Variants in DLGAP2 observed in about 807,000 individuals in gnomAD.
DLGAP2 encodes DLG associated protein 2.
In DLGAP2, 26 loss-of-function variants were observed where a neutral mutation model predicts 100.3. That is an observed-to-expected ratio of 0.26 (90% CI 0.19 to 0.36). The LOEUF (loss-of-function observed/expected upper bound fraction) is 0.36. DLGAP2 is among the 10% of genes least tolerant of loss of function. DLGAP2 has a pLI of 1.00. For missense variants in DLGAP2, 1,858 were observed against 1,453.2 expected, an observed-to-expected ratio of 1.28 and a Z score of -4.53; for synonymous variants, 886 against 630.1, an observed-to-expected ratio of 1.41 and a Z score of -6.08.
chr8:831,546 C>T (rs1232954017), intron 1 of DLGAP2, among the ~76,000 whole-genome samples: 3 of 152,158 alleles, frequency 2.0e-5, no homozygotes, highest in Non-Finnish European at 4.4e-5. Flanking sequence ...GACGTGAACT[C>T]ATCCTTTTTA....
chr8:1,047,608 A>G (rs1270604667), intron 2 of DLGAP2, among the ~76,000 whole-genome samples: 1 of 152,160 alleles, frequency 6.6e-6, no homozygotes, highest in Non-Finnish European at 1.5e-5. Flanking sequence ...GCCAAGATCA[A>G]GACACTGGCA....
At position 1,207,473 on chromosome 8, in the gene DLGAP2, C is replaced by T. The variant is rs149370788; in HGVS notation, c.74-51378C>T. Among the ~76,000 whole-genome samples, 751 of 152,162 alleles carry T rather than the reference C, an allele frequency of 4.9e-3. 5 individuals carry two copies. The highest frequency in any genetic ancestry group is 0.017 in the African/African-American group (716 of 41,512). On this transcript the variant is annotated intron_variant, in intron 2 of 14. Transcript: ENST00000637795. ...ATATACCACATTTTCTTTTTTTACT[C>T]ATTAGTTGATAGGCATTTGGGCTGG...
At chr8:1,267,341 G>A (rs1799476360) in intron 3 of DLGAP2, among the ~76,000 whole-genome samples, 1 of 151,276 alleles carries the variant, frequency 6.6e-6, no homozygotes, top group Non-Finnish European at 1.5e-5. Context: ...CCGAGGCGGT[G>A]GATCACTTGA....
At chr8:1,036,607 G>C (rs1365720981) in intron 2 of DLGAP2, among the ~76,000 whole-genome samples, 1 of 152,132 alleles carries the variant, frequency 6.6e-6, no homozygotes, top group Non-Finnish European at 1.5e-5. Flanking sequence ...GGTTATAAGG[G>C]GAGGCCTGGC....
intron 1 of DLGAP2, among the ~76,000 whole-genome samples, chr8:758,621 G>A (rs1820979610): frequency 1.3e-5 from 2 of 152,064 alleles, no homozygotes; most frequent in African/African-American, 2.4e-5. Flanking sequence ...GAGTGCAGTG[G>A]TGCAGTCATG....
rs537408670 is a variant in DLGAP2 at position 1,232,669 on chromosome 8, C to G, written c.74-26182C>G. Among the ~76,000 whole-genome samples the G allele has an allele frequency of 8.7e-4, 133 of 152,318 alleles. 1 individual carries two copies. The highest frequency in any genetic ancestry group is 2.9e-3 in the African/African-American group (122 of 41,562). The stretch of plus-strand genomic sequence containing the variant: ...GGCATTTCATTTCTCCTTGCAAAAT[C>G]TCTGTAAAGTAGGCACCCTCCCTCT... On this transcript the variant is annotated intron_variant, in intron 2 of 14. Coordinates refer to ENST00000637795, the MANE Select transcript of DLGAP2 (RefSeq NM_001346810.2).
chr8:1,116,772 G>A (rs1805130519), intron 2 of DLGAP2, among the ~76,000 whole-genome samples: 1 of 151,972 alleles, frequency 6.6e-6, no homozygotes, highest in Non-Finnish European at 1.5e-5. Context: ...CTGCACTCCA[G>A]CCTAGGTGAC....
intron 3 of DLGAP2, among the ~76,000 whole-genome samples, chr8:1,431,476 A>C (rs746547122): frequency 1.4e-4 from 21 of 152,246 alleles, no homozygotes; most frequent in Non-Finnish European, 2.8e-4. Context: ...AGGACAATGC[A>C]TAGAAACAGC....
chr8:1,455,939 C>T (rs891626967), intron 3 of DLGAP2, among the ~76,000 whole-genome samples: 5 of 152,208 alleles, frequency 3.3e-5, no homozygotes, highest in South Asian at 2.1e-4. Context: ...AGGCTGGATC[C>T]GAGGCCCCCA....
At chr8:1,408,159 A>G (rs572500861) in intron 3 of DLGAP2, among the ~76,000 whole-genome samples, 1 of 152,362 alleles carries the variant, frequency 6.6e-6, no homozygotes, top group Non-Finnish European at 1.5e-5. Context: ...TCTTTCCAGC[A>G]TCTCCAGCTA....
At chr8:767,267 C>T (rs986216499) in intron 1 of DLGAP2, among the ~76,000 whole-genome samples, 1 of 151,598 alleles carries the variant, frequency 6.6e-6, no homozygotes, top group African/African-American at 2.4e-5. Context: ...CCTGGTGAGC[C>T]ACAGTTGTGG....
chr8:858,135 G>A (rs1013948943), intron 1 of DLGAP2, among the ~76,000 whole-genome samples: 2 of 152,210 alleles, frequency 1.3e-5, no homozygotes, highest in African/African-American at 4.8e-5. Flanking sequence ...GGGATTACAG[G>A]CGTTAGCCAC....
In DLGAP2 at chr8:919,909, G is replaced by A. The variant is rs1478492468; in HGVS notation, c.73+11943G>A. Among the ~76,000 whole-genome samples the A allele has an allele frequency of 2.6e-5, 4 of 152,196 alleles. 1 individual carries two copies. The highest frequency in any genetic ancestry group is 6.5e-5 in the Admixed American group (1 of 15,278). On this transcript the variant is annotated intron_variant, in intron 2 of 14. Coordinates refer to ENST00000637795, the MANE Select transcript of DLGAP2 (RefSeq NM_001346810.2). ...AAATGTCTTTGAAACCTGGGTAGCA[G>A]TTTTAATAACTCCCTTCCACCCCAT...
chr8:1,241,268 C>G (rs1585182544), intron 2 of DLGAP2, among the ~76,000 whole-genome samples: 1 of 151,484 alleles, frequency 6.6e-6, no homozygotes, highest in South Asian at 2.1e-4. Context: ...CTAGTTCTCT[C>G]ACATGGCTCC....
chr8:1,101,297 A>T (rs1045458653), intron 2 of DLGAP2, among the ~76,000 whole-genome samples: 1 of 152,322 alleles, frequency 6.6e-6, no homozygotes, highest in Admixed American at 6.5e-5. Context: ...AAGGCCGAGG[A>T]GCAGGGGGGC....
intron 3 of DLGAP2, among the ~76,000 whole-genome samples, chr8:1,366,543 G>T (rs1031763590): frequency 2.0e-5 from 3 of 152,190 alleles, no homozygotes; most frequent in Non-Finnish European, 4.4e-5. Context: ...GCTGACCTGG[G>T]ACAAGGCAGA....
intron 2 of DLGAP2, among the ~76,000 whole-genome samples, chr8:1,090,400 C>G (rs1429815908): frequency 6.6e-6 from 1 of 151,774 alleles, no homozygotes; most frequent in East Asian, 1.9e-4. Context: ...TGCTCCATGT[C>G]TGCACTCTGG....
chr8:1,197,258 G>A (rs1486494415), intron 2 of DLGAP2, among the ~76,000 whole-genome samples: 1 of 152,220 alleles, frequency 6.6e-6, no homozygotes, highest in East Asian at 1.9e-4. Flanking sequence ...GACACACCCG[G>A]AAGTCATGTT....
chr8:1,213,395 C>T (rs1585157898), intron 2 of DLGAP2, among the ~76,000 whole-genome samples: 1 of 151,378 alleles, frequency 6.6e-6, no homozygotes, highest in East Asian at 2.0e-4. Flanking sequence ...CAGTATGTCT[C>T]TATTAATTTA....
Sources: allele counts gnomAD v4.1 joint callset (sites outside exome capture counted in the v4.1 genomes callset), GRCh38; gene constraint gnomAD v4.1.1; transcripts MANE v1.5; gene names NCBI Gene and HGNC (gene_info 2026-07-23, HGNC 2026-07-21).